MDM1: variants seen among roughly 807,000 people sequenced by gnomAD.
The protein encoded by MDM1 is stabilizer of axonemal microtubules 6, also known as Mdm1 nuclear protein.
MDM1 carries 61 observed loss-of-function variants against 89.1 expected under a neutral mutation model. The ratio of observed to expected loss-of-function variants is 0.68; its 90% CI spans 0.56 to 0.85. The LOEUF is 0.85. Among genes scored for constraint, MDM1 ranks in the 40% least tolerant of loss-of-function variants. MDM1 has a pLI of 0.00. For synonymous variants in MDM1, 290 were observed against 294.1 expected (o/e 0.99, Z 0.14); for missense variants, 820 against 846.5 (o/e 0.97, Z 0.39).
At chr12:68,298,637 A>G (rs1294954952) in intron 13 of MDM1, among the ~76,000 whole-genome samples, 2 of 152,088 alleles carry the variant, frequency 1.3e-5, no homozygotes, top group African/African-American at 4.8e-5. Context: ...CACAATTCCT[A>G]TCTACTTGGA....
chr12:68,316,053 T>C, intron 9 of MDM1, 25 bp downstream of exon 9: 1 of 1,573,342 alleles, frequency 6.4e-7, no homozygotes, highest in Non-Finnish European at 8.6e-7. Context: ...CAAACTTTTT[T>C]TGCCATCCAC....
At chr12:68,328,626 A>G (rs1876351354) in intron 2 of MDM1, among the ~76,000 whole-genome samples, 4 of 152,208 alleles carry the variant, frequency 2.6e-5, no homozygotes, top group Admixed American at 2.6e-4. Flanking sequence ...AAATTTTTCT[A>G]GGAAGTATAA....
At chr12:68,300,004 C>A (rs1449132163) in intron 13 of MDM1, among the ~76,000 whole-genome samples, 1 of 152,174 alleles carries the variant, frequency 6.6e-6, no homozygotes, top group Non-Finnish European at 1.5e-5. Flanking sequence ...AGAAACCTTA[C>A]AAGGCAGAAG....
At chr12:68,319,580 T>C (rs1874952514) in intron 7 of MDM1, among the ~76,000 whole-genome samples, 1 of 152,168 alleles carries the variant, frequency 6.6e-6, no homozygotes, top group Non-Finnish European at 1.5e-5. Context: ...CCAAGAGATA[T>C]AAGTAAAACA....
intron 7 of MDM1, among the ~76,000 whole-genome samples, chr12:68,319,820 CT>C (rs1054244022): frequency 1.3e-5 from 2 of 152,074 alleles, no homozygotes; most frequent in African/African-American, 4.8e-5. Context: ...AATAGGAAAC[CT>C]TGAAAAGTCT....
At chr12:68,326,043 A>C (rs893004238) in intron 3 of MDM1, 6 of 995,512 alleles carry the variant, frequency 6.0e-6, no homozygotes, top group Non-Finnish European at 7.2e-6. Context: ...TCAGGGTCCC[A>C]GTCAGTGGTG....
chr12:68,316,890 C>T (rs909450019), intron 7 of MDM1, among the ~76,000 whole-genome samples: 7 of 152,134 alleles, frequency 4.6e-5, no homozygotes, highest in Non-Finnish European at 8.8e-5. Context: ...AGTACTTACA[C>T]GCCAAAAATC....
intron 2 of MDM1, among the ~76,000 whole-genome samples, chr12:68,327,891 T>C (rs7953610): frequency 0.74 from 112,865 of 152,090 alleles, 42,486 homozygotes; most frequent in African/African-American, 0.84. Flanking sequence ...AAAGATGTTT[T>C]AGGAGGGTAA....
intron 14 of MDM1, among the ~76,000 whole-genome samples, chr12:68,295,750 A>C (rs1871292586): frequency 6.6e-6 from 1 of 152,244 alleles, no homozygotes; most frequent in Admixed American, 6.5e-5. Context: ...TAAACTTTTT[A>C]AAAACAAAAT....
At chr12:68,331,710 T>C (rs1876844392) in intron 1 of MDM1, among the ~76,000 whole-genome samples, 1 of 152,172 alleles carries the variant, frequency 6.6e-6, no homozygotes, top group Admixed American at 6.5e-5. Flanking sequence ...ACCTGTGAAG[T>C]TGCAGGGTGC....
chr12:68,294,638 A>G lies in MDM1; in HGVS notation c.*616T>C, dbSNP rs780781787. 6.6e-6 allele frequency: 1 copy of G among 152,230 alleles called. No homozygotes were observed. The highest frequency in any genetic ancestry group is 1.5e-5 in the Non-Finnish European group (1 of 68,032). The allele number at this position is 152,230 out of a possible 1,614,324, so 9.4% of individuals were successfully genotyped here. A position where few individuals can be genotyped will look rare whatever the true frequency, so the allele number is the denominator to read the frequency against. Reference sequence around the variant, plus strand: ...TCCATTATACAGGTAATTTTTCAAAATCTAGACATTATTCAAATGTAAGCC... The same window carrying G: ...TCCATTATACAGGTAATTTTTCAAAGTCTAGACATTATTCAAATGTAAGCC... On this transcript the variant is annotated 3_prime_UTR_variant, in exon 15 of 15. Coordinates refer to ENST00000682720, the MANE Select transcript of MDM1 (RefSeq NM_001354969.2).
chr12:68,315,634 A>G (rs1874385513), intron 9 of MDM1, among the ~76,000 whole-genome samples: 1 of 152,180 alleles, frequency 6.6e-6, no homozygotes, highest in South Asian at 2.1e-4. Context: ...TAATTAAATC[A>G]TGTTCATTTT....
chr12:68,331,891 T>C, intron 1 of MDM1: 1 of 621,076 alleles, frequency 1.6e-6, no homozygotes, highest in Non-Finnish European at 3.0e-6. Context: ...AATGCTAAGC[T>C]AAATGGGCCA....
chr12:68,296,956 G>A lies in MDM1; in HGVS notation c.2029C>T (p.Gln677Ter). The change falls in exon 14 of 15, where the codon CAG becomes TAG. Residue 677 changes from glutamine to a stop codon, truncating the protein, a stop_gained. Coordinates refer to ENST00000682720, the MANE Select transcript of MDM1 (RefSeq NM_001354969.2). LOFTEE classifies it high-confidence loss of function. ...NVGKARMNNL[Q>*]LPQHEAFNDE... is the part of the protein sequence containing the mutation. The stretch of plus-strand genomic sequence containing the variant: ...TTAAAGGCTTCATGTTGAGGTAACT[G>A]CAAATTGTTCATCCTTGCTTTTCCC... The A allele has an allele frequency of 6.3e-7, 1 of 1,589,186 alleles. No individual in the cohort carries two copies. Among genetic ancestry groups the A allele is most frequent in the Non-Finnish European group, 8.5e-7 (1 of 1,170,522 alleles).
intron 4 of MDM1, 117 bp from the exon 5 acceptor site, chr12:68,323,357 A>G: frequency 1.5e-6 from 1 of 675,758 alleles, no homozygotes; most frequent in East Asian, 3.0e-5. Flanking sequence ...GCAAAGTTAT[A>G]TATGATTTTA....
chr12:68,323,525 T>C (rs188368944), intron 4 of MDM1: 54 of 195,658 alleles, frequency 2.8e-4, no homozygotes, highest in African/African-American at 1.1e-3. Context: ...GGCAACTCTG[T>C]TGTCAGTTCT....
chr12:68,301,932 C>A (rs1036229309), intron 13 of MDM1, among the ~76,000 whole-genome samples: 1 of 152,208 alleles, frequency 6.6e-6, no homozygotes, highest in Admixed American at 6.5e-5. Context: ...CCTGCCTTGG[C>A]CTCCCAAAGT....
chr12:68,302,217 G>T (rs545982871), intron 13 of MDM1, among the ~76,000 whole-genome samples: 1 of 152,130 alleles, frequency 6.6e-6, no homozygotes, highest in African/African-American at 2.4e-5. Context: ...TAACATTAAC[G>T]ATGGAAGCCA....
In MDM1 at chr12:68,316,577, C is replaced by A; in HGVS notation, c.1035+4G>T. On this transcript the variant is annotated splice_donor_region_variant and intron_variant, in intron 8 of 14. Transcript: ENST00000682720. ...TAGTTTTTAAAAACTCAAAAGCAAC[C>A]AACCTCAGCATACCACATGGCATTT... The A allele has an allele frequency of 2.0e-6, 3 of 1,534,182 alleles. No individual in the cohort carries two copies. The highest frequency in any genetic ancestry group is 2.6e-6 in the Non-Finnish European group (3 of 1,145,630).
Sources: gnomAD v4.1 joint callset for allele counts (sites outside exome capture counted in the v4.1 genomes callset) on GRCh38, gnomAD v4.1.1 for gene constraint, MANE v1.5 for transcripts, NCBI Gene and HGNC (gene_info 2026-07-23, HGNC 2026-07-21) for gene names.